The following ASB8 variants were observed in gnomAD, a reference collection of about 807,000 sequenced individuals.
ASB8 encodes ankyrin repeat and SOCS box containing 8.
ASB8 carries 15 observed loss-of-function variants against 22.9 expected under a neutral mutation model. The observed-to-expected ratio is 0.66, with a 90% confidence interval of 0.44 to 1.01. ASB8 has a LOEUF of 1.01. Among genes scored for constraint, ASB8 ranks in the 50% least tolerant of loss-of-function variants. The pLI is 0.00. For synonymous variants in ASB8, 124 were observed against 140.8 expected (o/e 0.88, Z 0.84); for missense variants, 294 against 356.9 (o/e 0.82, Z 1.42).
chr12:48,148,889 C>G lies in ASB8; in HGVS notation c.*477G>C, dbSNP rs1202747905. 1.2e-5 allele frequency: 2 copies of G among 164,790 alleles called. No homozygotes were observed. Among genetic ancestry groups the G allele is most frequent in the East Asian group, 3.5e-4 (2 of 5,682 alleles). The allele number at this position is 164,790 out of a possible 1,614,324, so 10.2% of individuals were successfully genotyped here. On this transcript the variant is annotated 3_prime_UTR_variant, in exon 4 of 4. Coordinates refer to ENST00000317697, the MANE Select transcript of ASB8 (RefSeq NM_024095.5). ...ATATTGGTCAGGCTGGGCTCGAACTCCTGACCTCAGGTGATCCACCTGCCT... is the reference window on the plus strand; with the variant it reads ...ATATTGGTCAGGCTGGGCTCGAACTGCTGACCTCAGGTGATCCACCTGCCT...
At chr12:48,151,345 T>G in intron 2 of ASB8, 40 bp from the exon 3 acceptor site, 1 of 1,511,750 alleles carries the variant, frequency 6.6e-7, no homozygotes, top group Non-Finnish European at 9.1e-7. Context: ...TGTTCAGCTC[T>G]GGCTTGCCCA....
chr12:48,153,017 T>C, intron 2 of ASB8: 1 of 188,912 alleles, frequency 5.3e-6, no homozygotes, highest in Non-Finnish European at 1.1e-5. Flanking sequence ...CAAATAAAAA[T>C]AAAAACCACC....
rs1951196908 is a variant in ASB8, at chr12:48,151,228, C to G, written c.207G>C (p.Val69=). 6.2e-7 allele frequency: 1 copy of G among 1,613,890 alleles called. No individual in the cohort carries two copies. The highest frequency in any genetic ancestry group is 2.2e-5 in the East Asian group (1 of 44,882). Residue 69 remains valine (V), a synonymous_variant, in exon 3 of 4, where the codon GTG becomes GTC. Transcript: ENST00000317697. Reference sequence around the variant, plus strand: ...CGGCTCCTTTTTCCAGAAGTAACTCCACACAGTCAGCATCTGACACCATAC... The same window carrying G: ...CGGCTCCTTTTTCCAGAAGTAACTCGACACAGTCAGCATCTGACACCATAC... ...CACMVSDADC[V]ELLLEKGAEV...
intron 1 of ASB8, among the ~76,000 whole-genome samples, chr12:48,156,608 C>A (rs915665896): frequency 6.6e-6 from 1 of 151,832 alleles, no homozygotes; most frequent in South Asian, 2.1e-4. Context: ...ATCGTCTCTA[C>A]AAAAAAATTC....
At position 48,152,065 on chromosome 12, in the gene ASB8, T is replaced by C. The variant is rs371660756; in HGVS notation, c.130-760A>G. On this transcript the variant is annotated intron_variant, in intron 2 of 3. Transcript: ENST00000317697. ...TACTCGGGAGGCTGAGGCAGGAGAA[T>C]CGCTTGAACCTGGGAGGCGGAGGTT... Among the ~76,000 whole-genome samples, 73 of 151,370 alleles carry C rather than the reference T, an allele frequency of 4.8e-4. No homozygotes were observed. In the South Asian group the frequency reaches 0.013, roughly 28 times the overall value.
chr12:48,151,480 T>A, intron 2 of ASB8, 175 bp from the exon 3 acceptor site: 1 of 1,084,324 alleles, frequency 9.2e-7, no homozygotes, highest in Non-Finnish European at 1.3e-6. Context: ...ACCAAAGGAG[T>A]ACACTGAAGA....
intron 2 of ASB8, 55 bp from the exon 3 acceptor site, chr12:48,151,360 G>T: frequency 7.0e-7 from 1 of 1,422,368 alleles, no homozygotes; most frequent in Non-Finnish European, 9.8e-7. Flanking sequence ...TGCCCAGCAG[G>T]ACAGAATTCA....
Position 48,149,970 on chromosome 12 carries a change from G to C in ASB8, c.263C>G (p.Thr88Arg). 2 of 1,613,862 alleles carry C rather than the reference G, an allele frequency of 1.2e-6. No homozygotes were observed. Among genetic ancestry groups the C allele is most frequent in the Non-Finnish European group, 1.7e-6 (2 of 1,179,788 alleles). The change falls in exon 4 of 4, where the codon ACA (threonine) becomes AGA (arginine). Residue 88 changes from threonine to arginine, a missense_variant. Coordinates refer to ENST00000317697, the MANE Select transcript of ASB8 (RefSeq NM_024095.5). ...TTTCTCTGCTGCATAGTGGAGGGCT[G>C]TTCGGTTATACCCATCCAGGGCATT... is the stretch of plus-strand genomic sequence containing the variant. ...EVNALDGYNR[T>R]ALHYAAEKDE...
rs944125945 is a variant in ASB8, at chr12:48,148,233, A to G, written c.*1133T>C. 1.3e-5 allele frequency: 2 copies of G among 152,250 alleles called. No individual in the cohort carries two copies. The highest frequency in any genetic ancestry group is 4.8e-5 in the African/African-American group (2 of 41,462). The allele number at this position is 152,250 out of a possible 1,614,324, so 9.4% of individuals were successfully genotyped here. On this transcript the variant is annotated 3_prime_UTR_variant, in exon 4 of 4. Transcript: ENST00000317697. The stretch of plus-strand genomic sequence containing the variant: ...CCCATGGGAAAAGGCAGCCCAGCCC[A>G]TAACTCCTCCCTGCTGGAACACACA...
chr12:48,149,532 G>T lies in ASB8; in HGVS notation c.701C>A (p.Pro234Gln). 6.2e-7 allele frequency: 1 copy of T among 1,614,126 alleles called. No homozygotes were observed. Reference sequence around the variant, plus strand: ...AACAGTCAGTTTTTCACATAGCTGCGGGTCTCTGGCCACCTCTCGTGGCAT... The same window carrying T: ...AACAGTCAGTTTTTCACATAGCTGCTGGTCTCTGGCCACCTCTCGTGGCAT... ...GTMPREVARD[P>Q]QLCEKLTVLC... The change falls in exon 4 of 4, where the codon CCG (proline) becomes CAG (glutamine). Residue 234 changes from proline to glutamine, a missense_variant. Physicochemically the swap from Pro to Gln is moderately conservative, Grantham distance 76. Coordinates refer to ENST00000317697, the MANE Select transcript of ASB8 (RefSeq NM_024095.5).
At chr12:48,155,114 C>A (rs1455988230) in intron 1 of ASB8, among the ~76,000 whole-genome samples, 2 of 152,054 alleles carry the variant, frequency 1.3e-5, no homozygotes, top group Non-Finnish European at 2.9e-5. Context: ...GTATAAGAGA[C>A]AAGAGTTAGG....
rs750190188 is a variant in ASB8, at chr12:48,151,318, G to T, written c.130-13C>A. The T allele has an allele frequency of 1.3e-6, 2 of 1,592,628 alleles. No homozygotes were observed. The highest frequency in any genetic ancestry group is 4.5e-5 in the East Asian group (2 of 44,800). On this transcript the variant is annotated splice_polypyrimidine_tract_variant and intron_variant, in intron 2 of 3. Coordinates refer to ENST00000317697, the MANE Select transcript of ASB8 (RefSeq NM_024095.5). Reference sequence around the variant, plus strand: ...TCACATCTGCTCCCTGTGGGCAGAAGACAACTTCAGTCAGTGTGTTCAGCT... The same window carrying T: ...TCACATCTGCTCCCTGTGGGCAGAATACAACTTCAGTCAGTGTGTTCAGCT...
At position 48,149,331 on chromosome 12, in the gene ASB8, A is replaced by G; in HGVS notation, c.*35T>C. The G allele has an allele frequency of 1.3e-6, 2 of 1,587,946 alleles. No individual in the cohort carries two copies. Among genetic ancestry groups the G allele is most frequent in the Non-Finnish European group, 1.7e-6 (2 of 1,162,800 alleles). ...GTACTGCAGGGACAACCTCACCCAGAGCTGCCTGCACGATGGTGCAAACAT... is the reference window on the plus strand; with the variant it reads ...GTACTGCAGGGACAACCTCACCCAGGGCTGCCTGCACGATGGTGCAAACAT... On this transcript the variant is annotated 3_prime_UTR_variant, in exon 4 of 4. Transcript: ENST00000317697.
At position 48,149,478 on chromosome 12, in the gene ASB8, GTT is replaced by G. The variant is rs745592038; in HGVS notation, c.753_754del (p.Lys251AsnfsTer10). 1.2e-6 allele frequency: 2 copies of G among 1,614,120 alleles called. No individual in the cohort carries two copies. The highest frequency in any genetic ancestry group is 1.7e-6 in the Non-Finnish European group (2 of 1,179,972). On this transcript the variant is annotated frameshift_variant, in exon 4 of 4. Coordinates refer to ENST00000317697, the MANE Select transcript of ASB8 (RefSeq NM_024095.5). LOFTEE classifies it high-confidence loss of function. ...ACGGCGCACGGCATAGCGAGCGAGT[GTT>G]TTTAGAGTTCCTGGAGCTGAGCACA...
At chr12:48,150,883 A>G (rs1951189253) in intron 3 of ASB8, 1 of 488,058 alleles carries the variant, frequency 2.0e-6, no homozygotes, top group Non-Finnish European at 3.6e-6. Context: ...GGAAATATAA[A>G]CAGCCCCTAC....
chr12:48,153,486 C>G lies in ASB8; in HGVS notation c.11G>C (p.Ser4Thr). MSS[S>T]MWYIMQSIQS... ...AATGCTCTGCATAATATACCACATA[C>G]TGGAACTCATCAAGGCTCAAGGTGT... The change falls in exon 2 of 4, where the codon AGT (serine) becomes ACT (threonine). Residue 4 changes from serine to threonine, a missense_variant. Transcript: ENST00000317697. The G allele has an allele frequency of 6.2e-7, 1 of 1,613,924 alleles. No homozygotes were observed. Among genetic ancestry groups the G allele is most frequent in the Non-Finnish European group, 8.5e-7 (1 of 1,179,870 alleles).
At chr12:48,151,874 G>A (rs556368263) in intron 2 of ASB8, among the ~76,000 whole-genome samples, 1 of 152,236 alleles carries the variant, frequency 6.6e-6, no homozygotes, top group South Asian at 2.1e-4. Flanking sequence ...AGGAGAGGCC[G>A]AGTACAGTGG....
chr12:48,151,767 C>A, intron 2 of ASB8: 1 of 586,814 alleles, frequency 1.7e-6, no homozygotes, highest in South Asian at 1.6e-5. Flanking sequence ...ATCATCTTAA[C>A]ACGGTTTTTC....
chr12:48,153,092 A>G (rs1039041736), intron 2 of ASB8: 8 of 356,136 alleles, frequency 2.2e-5, no homozygotes, highest in Non-Finnish European at 3.7e-5. Context: ...AATGGATTAC[A>G]TATGCATCGT....
Sources: gnomAD v4.1 joint callset for allele counts (sites outside exome capture counted in the v4.1 genomes callset) on GRCh38, gnomAD v4.1.1 for gene constraint, MANE v1.5 for transcripts, NCBI Gene and HGNC (gene_info 2026-07-23, HGNC 2026-07-21) for gene names.